Variants in SOX6 observed in about 807,000 individuals in gnomAD.
The protein encoded by SOX6 is transcription factor SOX-6.
Under a neutral mutation model 97.8 loss-of-function variants are expected in SOX6, and 11 were observed. The ratio of observed to expected loss-of-function variants is 0.11; its 90% CI spans 0.07 to 0.19. The LOEUF is 0.19. SOX6 is among the 10% of genes least tolerant of loss of function. The probability of loss-of-function intolerance (pLI) is 1.00; values close to 1 mark genes in which losing one functional copy is unlikely to be tolerated. For missense variants in SOX6, 810 were observed against 1,039.5 expected, an observed-to-expected ratio of 0.78 and a Z score of 3.04; for synonymous variants, 360 against 371.4, an observed-to-expected ratio of 0.97 and a Z score of 0.35.
intron 6 of SOX6, among the ~76,000 whole-genome samples, chr11:16,115,611 T>G (rs1305564839): frequency 2.0e-5 from 3 of 152,112 alleles, no homozygotes; most frequent in African/African-American, 7.2e-5. Context: ...AATTTACACA[T>G]AGGAAAACAG....
intron 3 of SOX6, among the ~76,000 whole-genome samples, chr11:16,686,758 T>G (rs1252548360): frequency 6.6e-6 from 1 of 152,234 alleles, no homozygotes; most frequent in Non-Finnish European, 1.5e-5. Context: ...TAGCAAAGCC[T>G]TACTCCTCAG....
chr11:15,975,742 T>C (rs143314045), intron 15 of SOX6, among the ~76,000 whole-genome samples: 1 of 152,178 alleles, frequency 6.6e-6, no homozygotes. Flanking sequence ...GCCACGCAAG[T>C]ACCATAATCA....
chr11:16,379,554 G>T (rs1261939403), intron 1 of SOX6, among the ~76,000 whole-genome samples: 1 of 152,032 alleles, frequency 6.6e-6, no homozygotes, highest in Admixed American at 6.6e-5. Context: ...AAAATAAGAT[G>T]CCATTTTCTA....
At chr11:16,402,788 T>C (rs756730873) in intron 1 of SOX6, 2 of 1,591,838 alleles carry the variant, frequency 1.3e-6, no homozygotes, top group Non-Finnish European at 1.7e-6. Flanking sequence ...TATTGTTACA[T>C]GAGACAACAA....
At chr11:16,222,586 T>C (rs1375949271) in intron 4 of SOX6, among the ~76,000 whole-genome samples, 2 of 152,156 alleles carry the variant, frequency 1.3e-5, no homozygotes, top group African/African-American at 4.8e-5. Flanking sequence ...GTTTAATTTC[T>C]ACAGAATAGA....
At chr11:16,529,082 T>C (rs890023459) in intron 4 of SOX6, among the ~76,000 whole-genome samples, 1 of 152,116 alleles carries the variant, frequency 6.6e-6, no homozygotes, top group Non-Finnish European at 1.5e-5. Flanking sequence ...ACGATATGTC[T>C]GCCAATTTCT....
rs1851400458 is a variant in SOX6 at position 16,183,736 on chromosome 11, A to G, written c.777+150T>C. On this transcript the variant is annotated intron_variant, in intron 6 of 15. Coordinates refer to ENST00000683767, the MANE Select transcript of SOX6 (RefSeq NM_001367873.1). ...CCACCATCTAGTCCATATTTCTTACATTCAATTATAGAATTGTGCACAACA... is the reference window on the plus strand; with the variant it reads ...CCACCATCTAGTCCATATTTCTTACGTTCAATTATAGAATTGTGCACAACA... The G allele has an allele frequency of 4.4e-6, 3 of 679,590 alleles. No homozygotes were observed. In the East Asian group the frequency reaches 8.4e-5, roughly 19 times the overall value. 42.1% of individuals were successfully genotyped at this position (679,590 alleles called of 1,614,324 possible). A position where few individuals can be genotyped will look rare whatever the true frequency, so the allele number is the denominator to read the frequency against.
At chr11:16,491,658 A>G (rs1326155241) in intron 4 of SOX6, among the ~76,000 whole-genome samples, 1 of 152,220 alleles carries the variant, frequency 6.6e-6, no homozygotes, top group Non-Finnish European at 1.5e-5. Context: ...AAGATAAACT[A>G]TAAAGCAACA....
chr11:16,290,695 G>A (rs1854886443), intron 3 of SOX6, among the ~76,000 whole-genome samples: 1 of 152,064 alleles, frequency 6.6e-6, no homozygotes, highest in Non-Finnish European at 1.5e-5. Flanking sequence ...TTGCATAGGA[G>A]CAATCTCAAT....
chr11:16,227,382 TC>T (rs1852717807), intron 4 of SOX6, among the ~76,000 whole-genome samples: 1 of 152,242 alleles, frequency 6.6e-6, no homozygotes, highest in South Asian at 2.1e-4. Context: ...TATTAATTCA[TC>T]CTTTAATTCA....
At chr11:16,274,213 TA>T (rs1178249484) in intron 3 of SOX6, among the ~76,000 whole-genome samples, 1 of 152,118 alleles carries the variant, frequency 6.6e-6, no homozygotes, top group African/African-American at 2.4e-5. Flanking sequence ...TCCCTAATGC[TA>T]AAAATAAACA....
chr11:16,448,070 G>T (rs776395964), intron 1 of SOX6, among the ~76,000 whole-genome samples: 2 of 152,174 alleles, frequency 1.3e-5, no homozygotes, highest in African/African-American at 2.4e-5. Context: ...TTATGAGTTT[G>T]ACTTCACTGT....
intron 9 of SOX6, among the ~76,000 whole-genome samples, chr11:16,073,172 AC>A (rs1334372200): frequency 1.3e-5 from 2 of 152,172 alleles, no homozygotes; most frequent in Non-Finnish European, 2.9e-5. Flanking sequence ...AGAAAGCAAG[AC>A]CTAACTATGA....
chr11:16,698,289 C>T (rs1848068633), intron 3 of SOX6, among the ~76,000 whole-genome samples: 1 of 152,154 alleles, frequency 6.6e-6, no homozygotes, highest in African/African-American at 2.4e-5. Context: ...ATAGAGACAG[C>T]TACTTTCCTT....
At chr11:16,574,692 T>A (rs1847966258) in intron 4 of SOX6, among the ~76,000 whole-genome samples, 1 of 152,082 alleles carries the variant, frequency 6.6e-6, no homozygotes, top group Admixed American at 6.6e-5. Context: ...ATATCTGCAA[T>A]ACATGTAAAC....
At chr11:15,976,906 G>A (rs1853502225) in intron 15 of SOX6, among the ~76,000 whole-genome samples, 2 of 152,022 alleles carry the variant, frequency 1.3e-5, no homozygotes, top group Middle Eastern at 3.4e-3. Flanking sequence ...TCTCTCTCTA[G>A]GCCACGAGTC....
At chr11:16,726,630 A>G (rs1431215520) in intron 2 of SOX6, among the ~76,000 whole-genome samples, 2 of 152,246 alleles carry the variant, frequency 1.3e-5, no homozygotes, top group African/African-American at 4.8e-5. Flanking sequence ...ACAATAATCT[A>G]TATTTAAAAC....
At chr11:16,132,492 GAAAGAA>G (rs1320619435) in intron 6 of SOX6, among the ~76,000 whole-genome samples, 2 of 148,002 alleles carry the variant, frequency 1.4e-5, no homozygotes, top group African/African-American at 5.0e-5. Context: ...AAGAAAGAAA[GAAAGAA>G]AGAAAGAAAG....
intron 1 of SOX6, chr11:16,402,879 C>A (rs1381802673): frequency 6.6e-7 from 1 of 1,522,552 alleles, no homozygotes; most frequent in African/African-American, 1.4e-5. Flanking sequence ...AAACTACACT[C>A]AGTTGGGCTG....
Sources: gnomAD v4.1 joint callset for allele counts (sites outside exome capture counted in the v4.1 genomes callset) on GRCh38, gnomAD v4.1.1 for gene constraint, MANE v1.5 for transcripts, NCBI Gene and HGNC (gene_info 2026-07-23, HGNC 2026-07-21) for gene names.